The following MCU variants were observed in gnomAD, a reference collection of about 807,000 sequenced individuals.
MCU encodes the protein mitochondrial calcium uniporter.
Under a neutral mutation model 45.2 loss-of-function variants are expected in MCU, and 12 were observed. The observed-to-expected ratio is 0.27, with a 90% CI of 0.17 to 0.43. MCU has a LOEUF of 0.43. MCU is among the 20% of genes least tolerant of loss of function. The pLI, the probability that MCU is intolerant of heterozygous loss-of-function variation, is 1.00. For synonymous variants in MCU, 160 were observed against 165.1 expected (o/e 0.97, Z 0.24); for missense variants, 324 against 436.7 (o/e 0.74, Z 2.30).
chr10:72,693,186 G>T, intron 1 of MCU: 1 of 915,460 alleles, frequency 1.1e-6, no homozygotes, highest in Non-Finnish European at 1.7e-6. Context: ...GTGTGTGTGT[G>T]TGTGTGTGTG....
intron 1 of MCU, among the ~76,000 whole-genome samples, chr10:72,771,082 A>G (rs1303266233): frequency 1.3e-5 from 2 of 152,052 alleles, no homozygotes; most frequent in Non-Finnish European, 2.9e-5. Flanking sequence ...AAGTTCTGGG[A>G]TACATGTGCA....
At chr10:72,766,410 C>T (rs907773146) in intron 1 of MCU, 1 of 152,040 alleles carries the variant, frequency 6.6e-6, no homozygotes, top group South Asian at 2.1e-4. Context: ...CTTTTAATGG[C>T]CTTTATATAT....
At chr10:72,695,036 T>A (rs1842668810) in intron 1 of MCU, among the ~76,000 whole-genome samples, 1 of 152,234 alleles carries the variant, frequency 6.6e-6, no homozygotes, top group Admixed American at 6.5e-5. Flanking sequence ...AAAACTGATG[T>A]AAAATGTTTG....
chr10:72,696,513 C>T (rs1483898552), intron 1 of MCU, among the ~76,000 whole-genome samples: 1 of 152,090 alleles, frequency 6.6e-6, no homozygotes, highest in African/African-American at 2.4e-5. Flanking sequence ...TAATTCCTGG[C>T]TCTTAACCCT....
At chr10:72,697,689 C>T (rs953368260) in intron 1 of MCU, among the ~76,000 whole-genome samples, 7 of 152,148 alleles carry the variant, frequency 4.6e-5, no homozygotes, top group Non-Finnish European at 1.0e-4. Flanking sequence ...CCACCTCGGC[C>T]TCCCAAAGTG....
intron 1 of MCU, among the ~76,000 whole-genome samples, chr10:72,784,817 A>G (rs1844048139): frequency 6.6e-6 from 1 of 152,078 alleles, no homozygotes; most frequent in African/African-American, 2.4e-5. Context: ...GGTGTGGGGA[A>G]TCCCTCCTAC....
At chr10:72,832,932 C>CTGTGTG (rs1399130294) in intron 1 of MCU, among the ~76,000 whole-genome samples, 5 of 57,224 alleles carry the variant, frequency 8.7e-5, no homozygotes, top group Middle Eastern at 0.011. Context: ...AAACCAATAG[C>CTGTGTG]TATGTGTGTG....
chr10:72,738,829 G>A (rs541879096), intron 1 of MCU, among the ~76,000 whole-genome samples: 1 of 152,282 alleles, frequency 6.6e-6, no homozygotes, highest in East Asian at 1.9e-4. Context: ...CTTTTGCTGT[G>A]CTAGATTCCT....
chr10:72,869,662 TATA>T (rs1241227061), intron 5 of MCU, among the ~76,000 whole-genome samples: 1 of 152,122 alleles, frequency 6.6e-6, no homozygotes, highest in Non-Finnish European at 1.5e-5. Context: ...TAAAAATCAA[TATA>T]ATGACTATAT....
chr10:72,844,254 G>A (rs1359723904), intron 2 of MCU, among the ~76,000 whole-genome samples: 1 of 152,274 alleles, frequency 6.6e-6, no homozygotes, highest in East Asian at 1.9e-4. Flanking sequence ...GGGTGTGGTG[G>A]TGGGCACCTG....
intron 1 of MCU, among the ~76,000 whole-genome samples, chr10:72,695,896 G>A (rs1391602899): frequency 6.6e-6 from 1 of 151,504 alleles, no homozygotes; most frequent in Non-Finnish European, 1.5e-5. Context: ...GGGTGCGGTG[G>A]CTCACACCTG....
chr10:72,871,711 G>A lies in MCU; in HGVS notation c.861+131G>A, dbSNP rs1845545731. On this transcript the variant is annotated intron_variant, in intron 6 of 7. Transcript: ENST00000373053. Reference sequence around the variant, plus strand: ...ATCCTTTACACATACACACACATGTGCCACTTGTGTATTAGGCAATATTCT... The same window carrying A: ...ATCCTTTACACATACACACACATGTACCACTTGTGTATTAGGCAATATTCT... 4.2e-6 allele frequency: 3 copies of A among 711,444 alleles called. No individual in the cohort carries two copies. In the South Asian group the frequency reaches 5.3e-5, roughly 13 times the overall value. The allele number at this position is 711,444 out of a possible 1,614,324, so 44.1% of individuals were successfully genotyped here.
At chr10:72,752,462 G>A (rs1843516217) in intron 1 of MCU, among the ~76,000 whole-genome samples, 1 of 152,166 alleles carries the variant, frequency 6.6e-6, no homozygotes, top group South Asian at 2.1e-4. Flanking sequence ...ATGTCTAAAT[G>A]CTAAGAACAT....
At chr10:72,846,601 T>C (rs1331141794) in intron 2 of MCU, among the ~76,000 whole-genome samples, 1 of 152,246 alleles carries the variant, frequency 6.6e-6, no homozygotes, top group Non-Finnish European at 1.5e-5. Flanking sequence ...GCTGGCATGT[T>C]GTTTTAATTG....
intron 1 of MCU, among the ~76,000 whole-genome samples, chr10:72,737,645 A>G (rs3009548): frequency 0.63 from 95,527 of 151,444 alleles, 31,617 homozygotes; most frequent in African/African-American, 0.73. Context: ...TCAGCCTCCC[A>G]AGTAGCTGGG....
chr10:72,770,026 A>G (rs1183900356), intron 1 of MCU, among the ~76,000 whole-genome samples: 2 of 151,126 alleles, frequency 1.3e-5, no homozygotes, highest in Non-Finnish European at 3.0e-5. Flanking sequence ...ATCGTTTTCT[A>G]TTTTTCCTTT....
chr10:72,813,044 C>G (rs1027934517), intron 1 of MCU, among the ~76,000 whole-genome samples: 1 of 152,146 alleles, frequency 6.6e-6, no homozygotes, highest in Non-Finnish European at 1.5e-5. Flanking sequence ...AGAATACAGT[C>G]TAGTTCCTAG....
chr10:72,789,973 C>T (rs1844134346), intron 1 of MCU, among the ~76,000 whole-genome samples: 1 of 152,148 alleles, frequency 6.6e-6, no homozygotes, highest in Non-Finnish European at 1.5e-5. Context: ...GATGGCAGCT[C>T]CTCTTCTCAC....
intron 1 of MCU, among the ~76,000 whole-genome samples, chr10:72,814,964 AAC>A (rs1216106981): frequency 6.6e-6 from 1 of 152,226 alleles, no homozygotes; most frequent in African/African-American, 2.4e-5. Flanking sequence ...AGAAGTGAAA[AAC>A]ACATCAGAAA....
Sources: gnomAD v4.1 joint callset for allele counts (sites outside exome capture counted in the v4.1 genomes callset) on GRCh38, gnomAD v4.1.1 for gene constraint, MANE v1.5 for transcripts, NCBI Gene and HGNC (gene_info 2026-07-23, HGNC 2026-07-21) for gene names.